The following GRIN2C variants were observed in gnomAD, a reference collection of about 807,000 sequenced individuals.
GRIN2C encodes glutamate receptor ionotropic, NMDA 2C.
In GRIN2C, 64 loss-of-function variants were observed where a neutral mutation model predicts 77.7. The observed-to-expected ratio is 0.82, with a 90% CI of 0.67 to 1.01. The LOEUF is 1.01. Among genes scored for constraint, GRIN2C ranks in the 50% least tolerant of loss-of-function variants. The pLI is 0.00. For missense variants in GRIN2C, 1,549 were observed against 1,486.0 expected (o/e 1.04, Z -0.70); for synonymous variants, 792 against 643.4 (o/e 1.23, Z -3.49).
chr17:74,853,938 A>G (rs1431519952), intron 2 of GRIN2C: 2 of 152,200 alleles, frequency 1.3e-5, no homozygotes, highest in Non-Finnish European at 2.9e-5. Context: ...CTTAGGGAAA[A>G]GCCCAAATGT....
In GRIN2C at chr17:74,842,714, G is replaced by A. The variant is rs1277486868; in HGVS notation, c.3423C>T (p.Pro1141=). Residue 1141 remains proline, a synonymous_variant, in exon 13 of 13, where the codon CCC becomes CCT. Coordinates refer to ENST00000293190, the MANE Select transcript of GRIN2C (RefSeq NM_000835.6). ...ACQEGEQAGA[P]AWQHRQHVCL... is the part of the protein sequence containing the mutation. ...AGACGTGCTGTCTGTGCTGCCAGGCGGGGGCCCCTGCCTGCTCGCCCTCCT... is the reference window on the plus strand; with the variant it reads ...AGACGTGCTGTCTGTGCTGCCAGGCAGGGGCCCCTGCCTGCTCGCCCTCCT... The A allele has an allele frequency of 1.4e-6, 1 of 714,706 alleles. No individual in the cohort carries two copies. Among genetic ancestry groups the A allele is most frequent in the South Asian group, 1.5e-5 (1 of 67,650 alleles). 44.3% of individuals were successfully genotyped at this position (714,706 alleles called of 1,614,324 possible). A position where few individuals can be genotyped will look rare whatever the true frequency, so the allele number is the denominator to read the frequency against.
intron 11 of GRIN2C, among the ~76,000 whole-genome samples, chr17:74,845,322 T>C (rs950996939): frequency 6.7e-6 from 1 of 148,934 alleles, no homozygotes; most frequent in Non-Finnish European, 1.5e-5. Flanking sequence ...TGGAGTGCAG[T>C]GGCACAATCA....
Position 74,842,716 on chromosome 17 carries a change from G to T in GRIN2C, c.3421C>A (p.Pro1141Thr). The change falls in exon 13 of 13, where the codon CCC becomes ACC. Residue 1141 changes from proline to threonine, a missense_variant. Physicochemically the swap from Pro to Thr is conservative, Grantham distance 38. Coordinates refer to ENST00000293190, the MANE Select transcript of GRIN2C (RefSeq NM_000835.6). ...ACQEGEQAGA[P>T]AWQHRQHVCL... Reference sequence around the variant, plus strand: ...ACGTGCTGTCTGTGCTGCCAGGCGGGGGCCCCTGCCTGCTCGCCCTCCTGG... The same window carrying T: ...ACGTGCTGTCTGTGCTGCCAGGCGGTGGCCCCTGCCTGCTCGCCCTCCTGG... The T allele has an allele frequency of 1.4e-6, 1 of 713,802 alleles. No homozygotes were observed. The allele number at this position is 713,802 out of a possible 1,614,324, so 44.2% of individuals were successfully genotyped here.
rs764196156 is a variant in GRIN2C at position 74,847,305 on chromosome 17, A to T, written c.2001+3T>A. 2 of 1,051,492 alleles carry T rather than the reference A, an allele frequency of 1.9e-6. No homozygotes were observed. The allele number at this position is 1,051,492 out of a possible 1,614,324, so 65.1% of individuals were successfully genotyped here. ...CCACCCCCAGCAGCTATGGCCCCAC[A>T]ACCTTCTTGTCACTGAGGCCCGACA... is the stretch of plus-strand genomic sequence containing the variant. On this transcript the variant is annotated splice_donor_region_variant and intron_variant, in intron 9 of 12. Transcript: ENST00000293190. This position sits in a 1 kb window ranked among gnomAD's most constrained non-coding sequence, Gnocchi z 5.2.
chr17:74,850,720 C>CCA lies in GRIN2C; in HGVS notation c.1159_1160dup (p.Trp387CysfsTer18). On this transcript the variant is annotated frameshift_variant, in exon 5 of 13. Transcript: ENST00000293190. LOFTEE classifies it high-confidence loss of function. The surrounding 1 kb of genome is among the most constrained non-coding windows in gnomAD (Gnocchi z 5.3). The stretch of plus-strand genomic sequence containing the variant: ...GCTGCAGAGAGGCACTGTAGCGAGG[C>CCA]CACACGGGGTACTTCATGTATAGGA... 1.2e-6 allele frequency: 2 copies of CCA among 1,613,508 alleles called. No homozygotes were observed. The highest frequency in any genetic ancestry group is 1.7e-6 in the Non-Finnish European group (2 of 1,180,002).
Position 74,842,713 on chromosome 17 carries a change from CG to C in GRIN2C, c.3423del (p.Ala1142ProfsTer69). 2 of 712,008 alleles carry C rather than the reference CG, an allele frequency of 2.8e-6. No individual in the cohort carries two copies. Among genetic ancestry groups the C allele is most frequent in the Non-Finnish European group, 2.6e-6 (1 of 383,476 alleles). 44.1% of individuals were successfully genotyped at this position (712,008 alleles called of 1,614,324 possible). A position where few individuals can be genotyped will look rare whatever the true frequency, so the allele number is the denominator to read the frequency against. On this transcript the variant is annotated frameshift_variant, in exon 13 of 13. Coordinates refer to ENST00000293190, the MANE Select transcript of GRIN2C (RefSeq NM_000835.6). LOFTEE classifies it high-confidence loss of function. Reference protein sequence around the residue: ...ACQEGEQAGAPAWQHRQHVCL... With the variant: ...ACQEGEQAGAXAWQHRQHVCL... Reference sequence around the variant, plus strand: ...CAGACGTGCTGTCTGTGCTGCCAGGCGGGGGCCCCTGCCTGCTCGCCCTCCT... The same window carrying C: ...CAGACGTGCTGTCTGTGCTGCCAGGCGGGGCCCCTGCCTGCTCGCCCTCCT...
At chr17:74,844,230 G>T in intron 12 of GRIN2C, 46 bp downstream of exon 12, 1 of 1,606,208 alleles carries the variant, frequency 6.2e-7, no homozygotes, top group Non-Finnish European at 8.5e-7. Flanking sequence ...TATCTGGGTA[G>T]GTGCCCTTAA....
rs900218869 is a variant in GRIN2C at position 74,847,337 on chromosome 17, C to T, written c.1972G>A (p.Asp658Asn). 1.5e-5 allele frequency: 21 copies of T among 1,374,956 alleles called. No individual in the cohort carries two copies. Among genetic ancestry groups the T allele is most frequent in the African/African-American group, 1.1e-4 (7 of 66,504 alleles). 85.2% of individuals were successfully genotyped at this position (1,374,956 alleles called of 1,614,324 possible). Reference sequence around the variant, plus strand: ...TTGTCACTGAGGCCCGACACAGTGTCGATGTATTGCTCTTGGATCATGAAG... The same window carrying T: ...TTGTCACTGAGGCCCGACACAGTGTTGATGTATTGCTCTTGGATCATGAAG... Reference protein sequence around the residue: ...AAFMIQEQYIDTVSGLSDKKF... With the variant: ...AAFMIQEQYINTVSGLSDKKF... The change falls in exon 9 of 13, where the codon GAC (aspartate) becomes AAC (asparagine). Residue 658 changes from aspartate to asparagine, a missense_variant. By Grantham distance (23) the Asp-to-Asn change is conservative. Coordinates refer to ENST00000293190, the MANE Select transcript of GRIN2C (RefSeq NM_000835.6). The surrounding 1 kb of genome is among the most constrained non-coding windows in gnomAD (Gnocchi z 5.2).
upstream of GRIN2C, chr17:74,859,968 C>G (rs1188744093): frequency 6.5e-6 from 1 of 152,676 alleles, no homozygotes; most frequent in Non-Finnish European, 1.5e-5. This position sits in a 1 kb window ranked among gnomAD's most constrained non-coding sequence, Gnocchi z 5.9. Flanking sequence ...ACGCACCCGG[C>G]GCCCCCCGCC....
At chr17:74,851,223 A>C in intron 4 of GRIN2C, 1 of 309,602 alleles carries the variant, frequency 3.2e-6, no homozygotes, top group African/African-American at 2.1e-5. Context: ...CTCCAATCCC[A>C]CAATCTTTTG....
In GRIN2C at chr17:74,842,821, C is replaced by T. The variant is rs892158636; in HGVS notation, c.3316G>A (p.Ala1106Thr). The change falls in exon 13 of 13, where the codon GCC becomes ACC. Residue 1106 changes from alanine (A) to threonine (T), a missense_variant. Physicochemically the swap from Ala to Thr is moderately conservative, Grantham distance 58. Transcript: ENST00000293190. ...LPAGCTGPAC[A>T]RPDGHSACRR... ...CAGGCCGAGTGGCCGTCGGGGCGGG[C>T]GCAGGCGGGGCCGGTGCACCCAGCG... 1.7e-5 allele frequency: 10 copies of T among 600,896 alleles called. No homozygotes were observed. In the East Asian group the frequency reaches 2.4e-4, roughly 14 times the overall value. 37.2% of individuals were successfully genotyped at this position (600,896 alleles called of 1,614,324 possible). A position where few individuals can be genotyped will look rare whatever the true frequency, so the allele number is the denominator to read the frequency against.
Position 74,854,948 on chromosome 17 carries a change from G to A in GRIN2C, c.145C>T (p.Arg49Cys), listed in dbSNP as rs777957540. The A allele has an allele frequency of 8.1e-6, 13 of 1,612,940 alleles. No homozygotes were observed. Among genetic ancestry groups the A allele is most frequent in the East Asian group, 2.2e-5 (1 of 44,884 alleles). ...TCCAGGAAGCTCTGGGGGGTGAGGC[G>A]GGCACGGAACTGGGCCTGGGGCGGC... is the stretch of plus-strand genomic sequence containing the variant. ...SGPPQAQFRA[R>C]LTPQSFLDLP... Residue 49 changes from arginine to cysteine, a missense_variant, in exon 2 of 13, where the codon CGC becomes TGC. Around this residue, in one of 3 missense-constraint regions of GRIN2C, gnomAD observed 382 missense variants for 360.0 expected, o/e 1.06. Coordinates refer to ENST00000293190, the MANE Select transcript of GRIN2C (RefSeq NM_000835.6).
upstream of GRIN2C, chr17:74,859,900 C>T (rs1222131471): frequency 4.8e-5 from 8 of 166,344 alleles, no homozygotes; most frequent in Non-Finnish European, 7.5e-5. The surrounding 1 kb of genome is among the most constrained non-coding windows in gnomAD (Gnocchi z 5.9). Flanking sequence ...GCGGCGGCGG[C>T]GGCGGCGGCT....
At chr17:74,855,220 G>A (rs2037787912) in intron 1 of GRIN2C, 113 bp from the exon 2 acceptor site, 1 of 807,030 alleles carries the variant, frequency 1.2e-6, no homozygotes, top group Non-Finnish European at 1.9e-6. Flanking sequence ...GAGAAGAGGG[G>A]AAAACCTCCC....
rs752813897 is a variant in GRIN2C at position 74,843,309 on chromosome 17, C to A, written c.2828G>T (p.Ser943Ile). ...CGGGTCGGGGGTGGGCAGGCATGGG[C>A]TGGGGCCAGACCGCGGGGTCGGGCA... ...SPCPTPRSGPSPCLPTPDPPP... is the reference protein window; with the variant it reads ...SPCPTPRSGPIPCLPTPDPPP... The change falls in exon 13 of 13, where the codon AGC (serine) becomes ATC (isoleucine). Residue 943 changes from serine (S) to isoleucine (I), a missense_variant. This residue lies in a region of GRIN2C where 450 missense variants were observed against 267.9 expected (regional missense o/e 1.68). Coordinates refer to ENST00000293190, the MANE Select transcript of GRIN2C (RefSeq NM_000835.6). 7.2e-7 allele frequency: 1 copy of A among 1,394,648 alleles called. No individual in the cohort carries two copies. The highest frequency in any genetic ancestry group is 1.3e-5 in the South Asian group (1 of 75,416). 86.4% of individuals were successfully genotyped at this position (1,394,648 alleles called of 1,614,324 possible).
chr17:74,844,506 C>T lies in GRIN2C; in HGVS notation c.2353G>A (p.Glu785Lys). Reference sequence around the variant, plus strand: ...CACACTGTCTCCAGTTTCTGTGTCTCTCCTGGAGTTGGGGGGTGTACACAT... The same window carrying T: ...CACACTGTCTCCAGTTTCTGTGTCTTTCCTGGAGTTGGGGGGTGTACACAT... The part of the protein sequence containing the change: ...LALLQFLGDG[E>K]TQKLETVWLS... The change falls in exon 12 of 13, where the codon GAG (glutamate) becomes AAG (lysine). Residue 785 changes from glutamate to lysine, a missense_variant and splice_region_variant. Coordinates refer to ENST00000293190, the MANE Select transcript of GRIN2C (RefSeq NM_000835.6). 1 of 1,613,764 alleles carries T rather than the reference C, an allele frequency of 6.2e-7. No individual in the cohort carries two copies. The highest frequency in any genetic ancestry group is 8.5e-7 in the Non-Finnish European group (1 of 1,179,690).
At chr17:74,861,473 G>T (rs999716506), upstream of GRIN2C, 5 of 151,882 alleles carry the variant, frequency 3.3e-5, no homozygotes, top group African/African-American at 1.2e-4. Context: ...CGCGCCGGCC[G>T]CCTCCCTCGC....
intron 2 of GRIN2C, 44 bp downstream of exon 2, chr17:74,854,650 G>A (rs1027365617): frequency 2.3e-5 from 36 of 1,557,322 alleles, no homozygotes; most frequent in Non-Finnish European, 3.2e-5. Context: ...CCCCAGCCTG[G>A]TTCCAGGCCT....
Position 74,843,552 on chromosome 17 carries a change from C to T in GRIN2C, c.2585G>A (p.Gly862Asp), listed in dbSNP as rs1477822823. The T allele has an allele frequency of 6.5e-7, 1 of 1,532,646 alleles. No homozygotes were observed. Among genetic ancestry groups the T allele is most frequent in the Non-Finnish European group, 8.7e-7 (1 of 1,146,286 alleles). 94.9% of individuals were successfully genotyped at this position (1,532,646 alleles called of 1,614,324 possible). ...QLDFLLAFSRGIYSCFSGVQS... is the reference protein window; with the variant it reads ...QLDFLLAFSRDIYSCFSGVQS... ...CACCCCGCTGAAGCAGCTGTAGATGCCCTGGGCAGTAGGGAGACGACAGGC... is the reference window on the plus strand; with the variant it reads ...CACCCCGCTGAAGCAGCTGTAGATGTCCTGGGCAGTAGGGAGACGACAGGC... Residue 862 changes from glycine to aspartate, a missense_variant and splice_region_variant, in exon 13 of 13, where the codon GGC becomes GAC. By Grantham distance (94) the Gly-to-Asp change is moderately conservative (BLOSUM62 -1). This residue lies in a region of GRIN2C where 450 missense variants were observed against 267.9 expected (regional missense o/e 1.68). Coordinates refer to ENST00000293190, the MANE Select transcript of GRIN2C (RefSeq NM_000835.6).
Sources: allele counts gnomAD v4.1 joint callset (sites outside exome capture counted in the v4.1 genomes callset), GRCh38; gene constraint gnomAD v4.1.1; regional missense constraint gnomAD v4.1.1; non-coding constraint Gnocchi (gnomAD v3.1); transcripts MANE v1.5; gene names NCBI Gene and HGNC (gene_info 2026-07-23, HGNC 2026-07-21).